Variants in BNC2 observed in about 807,000 individuals in gnomAD.
The protein encoded by BNC2 is zinc finger protein basonuclin-2.
In BNC2, 20 loss-of-function variants were observed where a neutral mutation model predicts 76.3. That is an observed-to-expected ratio of 0.26 (90% CI 0.18 to 0.38). BNC2 has a LOEUF of 0.38. Among genes scored for constraint, BNC2 ranks in the 10% least tolerant of loss-of-function variants. The pLI is 1.00. For synonymous variants in BNC2, 582 were observed against 514.8 expected, an observed-to-expected ratio of 1.13 and a Z score of -1.77; for missense variants, 1,382 against 1,399.8, an observed-to-expected ratio of 0.99 and a Z score of 0.20.
At chr9:16,651,035 C>G (rs1281861065) in intron 3 of BNC2, among the ~76,000 whole-genome samples, 1 of 151,988 alleles carries the variant, frequency 6.6e-6, no homozygotes, top group African/African-American at 2.4e-5. Context: ...AACTGTTTAC[C>G]CTAAGATGCC....
At chr9:16,827,245 G>C (rs150232698) in intron 1 of BNC2, among the ~76,000 whole-genome samples, 49 of 152,312 alleles carry the variant, frequency 3.2e-4, no homozygotes, top group African/African-American at 1.1e-3. Context: ...AGGCACCACA[G>C]TTAATAATGT....
chr9:16,529,252 T>C (rs1041994044), intron 5 of BNC2, among the ~76,000 whole-genome samples: 1 of 152,146 alleles, frequency 6.6e-6, no homozygotes, highest in Non-Finnish European at 1.5e-5. Context: ...TTGACATGGA[T>C]ATTTTGAGTG....
At chr9:16,607,297 G>A (rs965737035) in intron 3 of BNC2, among the ~76,000 whole-genome samples, 1 of 151,878 alleles carries the variant, frequency 6.6e-6, no homozygotes, top group Non-Finnish European at 1.5e-5. Flanking sequence ...AAACCTCAGA[G>A]AAAGAAAAAA....
chr9:16,740,188 A>G (rs575496104), intron 1 of BNC2, among the ~76,000 whole-genome samples: 20 of 152,366 alleles, frequency 1.3e-4, no homozygotes, highest in African/African-American at 4.6e-4. Context: ...ATCTAGAACA[A>G]CAAGACTTAT....
At chr9:16,579,343 C>T (rs1306374361) in intron 4 of BNC2, among the ~76,000 whole-genome samples, 1 of 151,944 alleles carries the variant, frequency 6.6e-6, no homozygotes, top group Non-Finnish European at 1.5e-5. Flanking sequence ...AATGTGGTGG[C>T]ATGATCTCAG....
chr9:16,468,520 C>T (rs901457129), intron 5 of BNC2, among the ~76,000 whole-genome samples: 1 of 151,990 alleles, frequency 6.6e-6, no homozygotes, highest in Non-Finnish European at 1.5e-5. Flanking sequence ...CTCAGCCTCC[C>T]GAATAGCTGG....
At chr9:16,434,158 G>C (rs534456316) in intron 6 of BNC2, among the ~76,000 whole-genome samples, 1 of 152,178 alleles carries the variant, frequency 6.6e-6, no homozygotes, top group South Asian at 2.1e-4. Flanking sequence ...GGTTGTATAA[G>C]AAAGTTACTT....
chr9:16,784,547 G>C (rs1826231723), intron 1 of BNC2, among the ~76,000 whole-genome samples: 1 of 152,118 alleles, frequency 6.6e-6, no homozygotes. Flanking sequence ...AGAAAGGTAA[G>C]CAAGCCTACA....
intron 3 of BNC2, among the ~76,000 whole-genome samples, chr9:16,606,049 C>CT (rs920631126): frequency 8.5e-5 from 13 of 152,076 alleles, no homozygotes; most frequent in African/African-American, 2.4e-4. Flanking sequence ...CAGTCAAGAA[C>CT]TTTTTTTAAA....
intron 3 of BNC2, among the ~76,000 whole-genome samples, chr9:16,719,164 G>A (rs1587349616): frequency 6.6e-6 from 1 of 152,296 alleles, no homozygotes; most frequent in Non-Finnish European, 1.5e-5. Flanking sequence ...AATATGCTCA[G>A]TGTATAATTA....
intron 5 of BNC2, among the ~76,000 whole-genome samples, chr9:16,481,202 C>A (rs368848758): frequency 1.3e-5 from 2 of 152,026 alleles, no homozygotes; most frequent in African/African-American, 4.8e-5. Flanking sequence ...GGATTGTAAA[C>A]GCACCAATCA....
chr9:16,532,884 G>A (rs879900995), intron 5 of BNC2, among the ~76,000 whole-genome samples: 22 of 152,182 alleles, frequency 1.4e-4, no homozygotes, highest in Non-Finnish European at 2.4e-4. Context: ...GCCATCATGG[G>A]ATATTTTCAC....
chr9:16,502,405 T>A (rs1822537953), intron 5 of BNC2, among the ~76,000 whole-genome samples: 1 of 152,170 alleles, frequency 6.6e-6, no homozygotes, highest in South Asian at 2.1e-4. Flanking sequence ...TAATTTTTTT[T>A]TTTAACACAG....
intron 1 of BNC2, among the ~76,000 whole-genome samples, chr9:16,789,314 T>C (rs530602788): frequency 6.6e-6 from 1 of 152,038 alleles, no homozygotes; most frequent in African/African-American, 2.4e-5. Flanking sequence ...ATGGCACTTA[T>C]ATCAAACACA....
At chr9:16,698,827 G>C (rs1216211980) in intron 3 of BNC2, among the ~76,000 whole-genome samples, 1 of 152,124 alleles carries the variant, frequency 6.6e-6, no homozygotes, top group Non-Finnish European at 1.5e-5. Context: ...TCATACATTG[G>C]TAGGTACTTG....
At chr9:16,785,975 GC>G (rs1389969271) in intron 1 of BNC2, among the ~76,000 whole-genome samples, 1 of 152,118 alleles carries the variant, frequency 6.6e-6, no homozygotes, top group African/African-American at 2.4e-5. Flanking sequence ...CTCTGAGGAA[GC>G]TGAAAGGAAG....
chr9:16,499,394 T>C (rs1226751751), intron 5 of BNC2, among the ~76,000 whole-genome samples: 1 of 152,136 alleles, frequency 6.6e-6, no homozygotes, highest in Non-Finnish European at 1.5e-5. Context: ...ATTATATTAC[T>C]AGAAAATGAC....
At chr9:16,493,341 C>G (rs528851957) in intron 5 of BNC2, among the ~76,000 whole-genome samples, 2 of 152,086 alleles carry the variant, frequency 1.3e-5, no homozygotes, top group African/African-American at 4.8e-5. Flanking sequence ...TAGAAGCCAT[C>G]AATTCAGAAG....
chr9:16,739,026 G>A (rs1323636554), intron 1 of BNC2, among the ~76,000 whole-genome samples: 2 of 151,112 alleles, frequency 1.3e-5, no homozygotes, highest in African/African-American at 2.4e-5. Context: ...CAGCCAGTAT[G>A]GTTTAGAAAA....
Sources: allele counts gnomAD v4.1 joint callset (sites outside exome capture counted in the v4.1 genomes callset), GRCh38; gene constraint gnomAD v4.1.1; transcripts MANE v1.5; gene names NCBI Gene and HGNC (gene_info 2026-07-23, HGNC 2026-07-21).